SGIP1: variants seen among roughly 807,000 people sequenced by gnomAD.
The protein encoded by SGIP1 is SH3-containing GRB2-like protein 3-interacting protein 1.
In SGIP1, 38 loss-of-function variants were observed where a neutral mutation model predicts 107.5. The observed-to-expected ratio is 0.35, with a 90% CI of 0.27 to 0.46. The LOEUF (loss-of-function observed/expected upper bound fraction) is 0.46. Among genes scored for constraint, SGIP1 ranks in the 20% least tolerant of loss-of-function variants. The pLI is 1.00. For synonymous variants in SGIP1, 365 were observed against 366.1 expected (o/e 1.00, Z 0.03); for missense variants, 929 against 1,019.5 (o/e 0.91, Z 1.21).
chr1:66,747,712 C>A lies in SGIP1; in HGVS notation c.*4617C>A, dbSNP rs572940369. ...CGAATATTTTTTCTCAAAATAACCA[C>A]AGGCTGTAAATTAAATTGAACAATA... On this transcript the variant is annotated 3_prime_UTR_variant, in exon 25 of 25. Transcript: ENST00000371037. 1 of 152,010 alleles carries A rather than the reference C, an allele frequency of 6.6e-6. No individual in the cohort carries two copies. Among genetic ancestry groups the A allele is most frequent in the Admixed American group, 6.5e-5 (1 of 15,272 alleles). 9.4% of individuals were successfully genotyped at this position (152,010 alleles called of 1,614,324 possible).
At chr1:66,608,435 A>G (rs1034870388) in intron 1 of SGIP1, among the ~76,000 whole-genome samples, 1 of 152,164 alleles carries the variant, frequency 6.6e-6, no homozygotes, top group Non-Finnish European at 1.5e-5. Context: ...ACATAATTTG[A>G]CCTATATTTT....
intron 1 of SGIP1, among the ~76,000 whole-genome samples, chr1:66,535,721 G>A (rs2053447331): frequency 6.6e-6 from 1 of 152,102 alleles, no homozygotes; most frequent in Non-Finnish European, 1.5e-5. Flanking sequence ...AATAAATTGA[G>A]ATTGCTAACA....
chr1:66,748,648 C>G lies in SGIP1; in HGVS notation c.*5553C>G, dbSNP rs1163716236. ...TTGCCTACCTTAAATACATCTTTAT[C>G]CTTGTAAAAAATGTTTTGGCAAAAA... is the stretch of plus-strand genomic sequence containing the variant. On this transcript the variant is annotated 3_prime_UTR_variant, in exon 25 of 25. Transcript: ENST00000371037. Among the ~76,000 whole-genome samples, 1 of 151,906 alleles carries G rather than the reference C, an allele frequency of 6.6e-6. No homozygotes were observed.
chr1:66,724,206 A>C (rs1557760980), intron 19 of SGIP1, among the ~76,000 whole-genome samples: 1 of 152,180 alleles, frequency 6.6e-6, no homozygotes, highest in Admixed American at 6.5e-5. Flanking sequence ...GGGAAAATCC[A>C]GTGTATAAGT....
intron 1 of SGIP1, among the ~76,000 whole-genome samples, chr1:66,581,061 T>C (rs2061756200): frequency 6.6e-6 from 1 of 152,122 alleles, no homozygotes; most frequent in Non-Finnish European, 1.5e-5. Context: ...TTTTGTAACA[T>C]TTTCTCGTCA....
At position 66,748,523 on chromosome 1, in the gene SGIP1, G is replaced by T. The variant is rs1303675204; in HGVS notation, c.*5428G>T. Among the ~76,000 whole-genome samples, 1 of 151,814 alleles carries T rather than the reference G, an allele frequency of 6.6e-6. No individual in the cohort carries two copies. The highest frequency in any genetic ancestry group is 2.4e-5 in the African/African-American group (1 of 41,400). On this transcript the variant is annotated 3_prime_UTR_variant, in exon 25 of 25. Coordinates refer to ENST00000371037, the MANE Select transcript of SGIP1 (RefSeq NM_032291.4). ...ATGAGGAAAAGACACCTATTTGTTGGCATTGACCATGGGTATAATAATTTA... is the reference window on the plus strand; with the variant it reads ...ATGAGGAAAAGACACCTATTTGTTGTCATTGACCATGGGTATAATAATTTA...
At chr1:66,648,194 G>T (rs1268685657) in intron 7 of SGIP1, among the ~76,000 whole-genome samples, 1 of 152,142 alleles carries the variant, frequency 6.6e-6, no homozygotes, top group Non-Finnish European at 1.5e-5. Flanking sequence ...CATGCCCTTG[G>T]GTTAGGTAGC....
At chr1:66,739,233 C>G (rs1204811611) in intron 21 of SGIP1, 102 bp from the exon 22 acceptor site, 27 of 1,297,114 alleles carry the variant, frequency 2.1e-5, no homozygotes, top group African/African-American at 3.2e-5. Flanking sequence ...GCCTCTCACT[C>G]ACGGTTGCTT....
At chr1:66,598,693 C>T (rs1570362028) in intron 1 of SGIP1, among the ~76,000 whole-genome samples, 1 of 152,290 alleles carries the variant, frequency 6.6e-6, no homozygotes, top group Admixed American at 6.5e-5. Flanking sequence ...GTGCCACACA[C>T]TTTTGAACAA....
At chr1:66,577,902 T>C (rs1428003451) in intron 1 of SGIP1, among the ~76,000 whole-genome samples, 1 of 152,062 alleles carries the variant, frequency 6.6e-6, no homozygotes, top group African/African-American at 2.4e-5. Context: ...TTTTTCACTT[T>C]CCCTTTCTAT....
intron 18 of SGIP1, among the ~76,000 whole-genome samples, chr1:66,700,142 G>A (rs147101460): frequency 0.02 from 3,073 of 152,114 alleles, 99 homozygotes; most frequent in African/African-American, 0.07. Context: ...AGGCCGAGGC[G>A]AGTGGATCAC....
Position 66,557,985 on chromosome 1 carries a change from A to T in SGIP1, c.10+23617A>T, listed in dbSNP as rs114685071. 2.3e-3 allele frequency among the ~76,000 whole-genome samples: 349 copies of T among 152,198 alleles called. 1 individual carries two copies. The highest frequency in any genetic ancestry group is 8.3e-3 in the African/African-American group (344 of 41,540). ...TGCCTGCTGGAGCATGAGCTCTGCGAGGATGGGGAATGGGAAACACTTTTT... is the reference window on the plus strand; with the variant it reads ...TGCCTGCTGGAGCATGAGCTCTGCGTGGATGGGGAATGGGAAACACTTTTT... On this transcript the variant is annotated intron_variant, in intron 1 of 24. Transcript: ENST00000371037.
At chr1:66,684,322 C>T in intron 15 of SGIP1, 2 of 1,324,866 alleles carry the variant, frequency 1.5e-6, no homozygotes, top group South Asian at 1.5e-5. Flanking sequence ...GACAAGATCA[C>T]CAAAAGTCTT....
intron 1 of SGIP1, among the ~76,000 whole-genome samples, chr1:66,609,646 C>G (rs2067542192): frequency 6.6e-6 from 1 of 152,132 alleles, no homozygotes; most frequent in African/African-American, 2.4e-5. Flanking sequence ...GAGAACTGAA[C>G]AAGATGCATG....
At chr1:66,668,186 A>G (rs1406995606) in intron 9 of SGIP1, among the ~76,000 whole-genome samples, 2 of 152,100 alleles carry the variant, frequency 1.3e-5, no homozygotes, top group Non-Finnish European at 2.9e-5. Flanking sequence ...CAAGTTGAAA[A>G]GTATCATAAA....
chr1:66,681,157 A>G (rs2086615557), intron 14 of SGIP1, among the ~76,000 whole-genome samples: 1 of 152,204 alleles, frequency 6.6e-6, no homozygotes, highest in Non-Finnish European at 1.5e-5. Flanking sequence ...TATATGTAAC[A>G]GTTCTAATAA....
intron 1 of SGIP1, among the ~76,000 whole-genome samples, chr1:66,551,494 G>A (rs2121051): frequency 0.73 from 111,720 of 152,030 alleles, 41,966 homozygotes; most frequent in East Asian, 1. Flanking sequence ...GGAAAAGGTT[G>A]TAGTTCCCAA....
rs2093938648 is a variant in SGIP1, at chr1:66,730,050, C to T, written c.1898+631C>T. Among the ~76,000 whole-genome samples, 3 of 152,182 alleles carry T rather than the reference C, an allele frequency of 2.0e-5. No individual in the cohort carries two copies. The South Asian group carries it at 6.2e-4, about 31-fold the overall frequency. On this transcript the variant is annotated intron_variant, in intron 20 of 24. Coordinates refer to ENST00000371037, the MANE Select transcript of SGIP1 (RefSeq NM_032291.4). ...CTACTGACCTCAAGTGATCTGCCTGCCTTGGCCTCCCAAAGTGCTGGGATT... is the reference window on the plus strand; with the variant it reads ...CTACTGACCTCAAGTGATCTGCCTGTCTTGGCCTCCCAAAGTGCTGGGATT...
rs576356333 is a variant in SGIP1 at position 66,574,780 on chromosome 1, T to C, written c.10+40412T>C. Among the ~76,000 whole-genome samples the C allele has an allele frequency of 5.9e-5, 9 of 152,272 alleles. No individual in the cohort carries two copies. In the East Asian group the frequency reaches 7.7e-4, roughly 13 times the overall value. The stretch of plus-strand genomic sequence containing the variant: ...GAGTAAAATGGTCAAAATTAAGACA[T>C]TGTAGTCTGTTGCATGTGTGTGCAC... On this transcript the variant is annotated intron_variant, in intron 1 of 24. Coordinates refer to ENST00000371037, the MANE Select transcript of SGIP1 (RefSeq NM_032291.4).
Sources: gnomAD v4.1 joint callset for allele counts (sites outside exome capture counted in the v4.1 genomes callset) on GRCh38, gnomAD v4.1.1 for gene constraint, MANE v1.5 for transcripts, NCBI Gene and HGNC (gene_info 2026-07-23, HGNC 2026-07-21) for gene names.